Variants in HEATR5B observed in about 807,000 individuals in gnomAD.
HEATR5B encodes the protein HEAT repeat-containing protein 5B.
HEATR5B carries 156 observed loss-of-function variants against 224.1 expected under a neutral mutation model. That is an observed-to-expected ratio of 0.70 (90% CI 0.61 to 0.80). The LOEUF (loss-of-function observed/expected upper bound fraction) is 0.80, where lower values mean the gene tolerates loss of function less well. Among genes scored for constraint, HEATR5B ranks in the 30% least tolerant of loss-of-function variants. The pLI is 0.00. For synonymous variants in HEATR5B, 1,027 were observed against 893.0 expected (o/e 1.15, Z -2.68); for missense variants, 2,323 against 2,535.5 (o/e 0.92, Z 1.80).
intron 18 of HEATR5B, among the ~76,000 whole-genome samples, chr2:37,041,969 A>G (rs1332695832): frequency 6.6e-6 from 1 of 151,990 alleles, no homozygotes; most frequent in African/African-American, 2.4e-5. Context: ...ACAGTATTAC[A>G]TAAAATATTT....
intron 18 of HEATR5B, among the ~76,000 whole-genome samples, chr2:37,043,589 T>TTTG (rs930254185): frequency 6.9e-6 from 1 of 145,884 alleles, no homozygotes; most frequent in African/African-American, 2.6e-5. Context: ...TTATGACTTT[T>TTTG]TTGTTGTTGT....
intron 26 of HEATR5B, 33 bp downstream of exon 26, chr2:37,019,776 G>A (rs772991486): frequency 7.1e-7 from 1 of 1,415,898 alleles, no homozygotes; most frequent in Non-Finnish European, 9.9e-7. Context: ...ATGTATAGAA[G>A]ACAACTATAC....
At position 37,065,780 on chromosome 2, in the gene HEATR5B, G is replaced by A. The variant is rs1026010639; in HGVS notation, c.1308C>T (p.Ser436=). Residue 436 remains serine, a synonymous_variant, in exon 9 of 36, where the codon TCC becomes TCT. Coordinates refer to ENST00000233099, the MANE Select transcript of HEATR5B (RefSeq NM_019024.3). ...SLVQSLNATA[S]PLIQEASIGL... ...CTATAGATGCTTCTTGAATAAGAGG[G>A]GATGCGGTGGCATTCAAGCTCTGCA... 1 of 1,613,522 alleles carries A rather than the reference G, an allele frequency of 6.2e-7. No individual in the cohort carries two copies. Among genetic ancestry groups the A allele is most frequent in the Non-Finnish European group, 8.5e-7 (1 of 1,179,712 alleles).
intron 5 of HEATR5B, 66 bp downstream of exon 5, chr2:37,075,419 A>T: frequency 7.8e-7 from 1 of 1,275,570 alleles, no homozygotes; most frequent in Non-Finnish European, 1.1e-6. Flanking sequence ...AAAAGAAAAA[A>T]AAATCGTTGA....
intron 16 of HEATR5B, 146 bp downstream of exon 16, chr2:37,056,294 C>G (rs1670908038): frequency 1.9e-6 from 1 of 517,624 alleles, no homozygotes; most frequent in Non-Finnish European, 3.3e-6. Context: ...ATGTATCTGT[C>G]ACTTACATTA....
rs137858323 is a variant in HEATR5B, at chr2:36,981,559, C to A, written c.6147G>T (p.Ala2049=). The A allele has an allele frequency of 6.2e-7, 1 of 1,614,022 alleles. No individual in the cohort carries two copies. The highest frequency in any genetic ancestry group is 2.2e-5 in the East Asian group (1 of 44,898). Residue 2049 remains alanine, a synonymous_variant, in exon 36 of 36, where the codon GCG becomes GCT. Coordinates refer to ENST00000233099, the MANE Select transcript of HEATR5B (RefSeq NM_019024.3). ...TGGCGGGGGCTGGTTGTCTGGCAGC[C>A]GCTTTAGCTTTGCTCGCTTGGCTTG... ...VRASQASKAK[A]AARQPAPAIH...
At chr2:37,019,770 A>C in intron 26 of HEATR5B, 39 bp downstream of exon 26, 6 of 1,360,608 alleles carry the variant, frequency 4.4e-6, no homozygotes, top group Non-Finnish European at 6.2e-6. Flanking sequence ...CTATGAATGT[A>C]TAGAAGACAA....
chr2:37,019,892 A>C lies in HEATR5B; in HGVS notation c.4036-15T>G, dbSNP rs201101895. On this transcript the variant is annotated splice_polypyrimidine_tract_variant and intron_variant, in intron 25 of 35. Transcript: ENST00000233099. The stretch of plus-strand genomic sequence containing the variant: ...GCAGCTCCCACCTAGAAAAATAAAT[A>C]AAGCATTTTATTTTTTACTTTTATT... 17 of 1,561,410 alleles carry C rather than the reference A, an allele frequency of 1.1e-5. No homozygotes were observed. In the African/African-American group the frequency reaches 1.6e-4, roughly 15 times the overall value.
At chr2:37,080,769 T>G (rs570522066) in intron 2 of HEATR5B, among the ~76,000 whole-genome samples, 1 of 149,772 alleles carries the variant, frequency 6.7e-6, no homozygotes, top group South Asian at 2.1e-4. Flanking sequence ...AAGGAATATG[T>G]ACAGATTAAA....
At chr2:37,077,209 T>C (rs183687065) in intron 3 of HEATR5B, among the ~76,000 whole-genome samples, 190 bp from the exon 4 acceptor site, 14 of 152,364 alleles carry the variant, frequency 9.2e-5, no homozygotes, top group Admixed American at 5.9e-4. Flanking sequence ...GTATTCTTGT[T>C]AAATACTATA....
intron 10 of HEATR5B, among the ~76,000 whole-genome samples, chr2:37,063,315 G>A (rs543235352): frequency 1.2e-4 from 18 of 152,250 alleles, no homozygotes; most frequent in African/African-American, 4.1e-4. Flanking sequence ...GGTTAGCAGA[G>A]CAAAGGCTTC....
chr2:37,003,422 T>G (rs1309234855), intron 31 of HEATR5B, 120 bp downstream of exon 31: 2 of 693,602 alleles, frequency 2.9e-6, no homozygotes, highest in African/African-American at 1.8e-5. Context: ...GGTGACCGAA[T>G]GAGACCCTGC....
At chr2:37,005,032 T>C (rs993471371) in intron 30 of HEATR5B, among the ~76,000 whole-genome samples, 1 of 152,246 alleles carries the variant, frequency 6.6e-6, no homozygotes, top group Non-Finnish European at 1.5e-5. Flanking sequence ...AATGATTCCC[T>C]ATCACTTTCA....
rs1428386666 is a variant in HEATR5B, at chr2:37,059,464, A to ATATTT, written c.1850-478_1850-477insAAATA. Among the ~76,000 whole-genome samples the ATATTT allele has an allele frequency of 1.5e-3, 102 of 65,834 alleles. 1 individual carries two copies. Among genetic ancestry groups the ATATTT allele is most frequent in the African/African-American group, 4.7e-3 (91 of 19,158 alleles). 43.2% of individuals were successfully genotyped at this position (65,834 alleles called of 152,430 possible). A position where few individuals can be genotyped will look rare whatever the true frequency, so the allele number is the denominator to read the frequency against. On this transcript the variant is annotated intron_variant, in intron 12 of 35. Transcript: ENST00000233099. ...TGTGTGTGTATATATATATATATAT[A>ATATTT]TTTTTTTTTTTTTTTTTTTGAGAGA...
At position 37,083,398 on chromosome 2, in the gene HEATR5B, C is replaced by T. The variant is rs754781795; in HGVS notation, c.17G>A (p.Ser6Asn). Residue 6 changes from serine to asparagine, a missense_variant, in exon 2 of 36, where the codon AGT becomes AAT. By Grantham distance (46) the Ser-to-Asn change is conservative. This residue lies in a region of HEATR5B where 292 missense variants were observed against 332.6 expected (regional missense o/e 0.88). Coordinates refer to ENST00000233099, the MANE Select transcript of HEATR5B (RefSeq NM_019024.3). MELAHSLLLNEEALAQ... is the reference protein window; with the variant it reads MELAHNLLLNEEALAQ... ...CAAAGCTTCTTCATTTAGCAATAAACTGTGGGCTAACTCCATTACGGAAGT... is the reference window on the plus strand; with the variant it reads ...CAAAGCTTCTTCATTTAGCAATAAATTGTGGGCTAACTCCATTACGGAAGT... The T allele has an allele frequency of 2.1e-5, 34 of 1,613,630 alleles. No individual in the cohort carries two copies. Among genetic ancestry groups the T allele is most frequent in the Non-Finnish European group, 2.8e-5 (33 of 1,179,710 alleles).
At chr2:36,995,931 G>T (rs148618267) in intron 33 of HEATR5B, among the ~76,000 whole-genome samples, 1 of 152,256 alleles carries the variant, frequency 6.6e-6, no homozygotes, top group Non-Finnish European at 1.5e-5. Flanking sequence ...TTTTGCCCAG[G>T]CTGGAGTGCA....
chr2:37,002,593 G>C (rs1310595161), intron 31 of HEATR5B, 21 bp from the exon 32 acceptor site: 1 of 1,598,006 alleles, frequency 6.3e-7, no homozygotes, highest in Non-Finnish European at 8.5e-7. Context: ...AGATAATTTG[G>C]TGAAATTTCC....
intron 26 of HEATR5B, among the ~76,000 whole-genome samples, chr2:37,017,202 C>G (rs572284133): frequency 6.6e-6 from 1 of 152,120 alleles, no homozygotes; most frequent in Non-Finnish European, 1.5e-5. Context: ...TTGGCCAACA[C>G]GGTGAAACCC....
intron 6 of HEATR5B, among the ~76,000 whole-genome samples, 176 bp from the exon 7 acceptor site, chr2:37,070,563 G>GAAA: frequency 6.6e-6 from 1 of 151,956 alleles, no homozygotes; most frequent in East Asian, 1.9e-4. Flanking sequence ...AATTCCAAAG[G>GAAA]AAAAAATGCT....
Sources: gnomAD v4.1 joint callset for allele counts (sites outside exome capture counted in the v4.1 genomes callset) on GRCh38, gnomAD v4.1.1 for gene constraint, gnomAD v4.1.1 regional missense constraint, MANE v1.5 for transcripts, NCBI Gene and HGNC (gene_info 2026-07-23, HGNC 2026-07-21) for gene names.